Variants in PRDX3 observed in about 807,000 individuals in gnomAD.
PRDX3 encodes peroxiredoxin 3.
In PRDX3, 20 loss-of-function variants were observed where a neutral mutation model predicts 30.4. The observed-to-expected ratio is 0.66, with a 90% confidence interval of 0.46 to 0.96. The LOEUF is 0.96. Ranked by LOEUF, PRDX3 falls within the 40% of genes least tolerant of loss-of-function variation. The pLI is 0.00. For synonymous variants in PRDX3, 124 were observed against 117.8 expected (o/e 1.05, Z -0.34); for missense variants, 322 against 318.3 (o/e 1.01, Z -0.09).
chr10:119,173,190 G>C (rs1455631350), intron 4 of PRDX3, among the ~76,000 whole-genome samples: 1 of 151,998 alleles, frequency 6.6e-6, no homozygotes, highest in Non-Finnish European at 1.5e-5. Context: ...CACCTGTCTC[G>C]GCCTCTCAAA....
intron 1 of PRDX3, among the ~76,000 whole-genome samples, chr10:119,178,161 C>T (rs1432446634): frequency 1.3e-5 from 2 of 152,104 alleles, no homozygotes; most frequent in Non-Finnish European, 2.9e-5. Flanking sequence ...CCGCACTCTG[C>T]CGGTTTGCTC....
In PRDX3 at chr10:119,173,876, GA is replaced by G. The variant is rs3834425; in HGVS notation, c.312-5del. 6 of 1,592,004 alleles carry G rather than the reference GA, an allele frequency of 3.8e-6. No individual in the cohort carries two copies. Among genetic ancestry groups the G allele is most frequent in the Middle Eastern group, 1.7e-4 (1 of 5,984 alleles). Reference sequence around the variant, plus strand: ...TTCTGTAGGACACACAAAGGTGCTGGAAAAAAAGGATAGAAATTCTCATTAG... The same window carrying G: ...TTCTGTAGGACACACAAAGGTGCTGGAAAAAAGGATAGAAATTCTCATTAG... On this transcript the variant is annotated splice_region_variant and splice_polypyrimidine_tract_variant and intron_variant, in intron 3 of 6. Coordinates refer to ENST00000298510, the MANE Select transcript of PRDX3 (RefSeq NM_006793.5).
At chr10:119,177,456 G>A (rs751620824) in intron 1 of PRDX3, among the ~76,000 whole-genome samples, 21 of 151,980 alleles carry the variant, frequency 1.4e-4, no homozygotes, top group Admixed American at 3.9e-4. Flanking sequence ...TCAGGAGTTC[G>A]AGACCAGCCT....
chr10:119,173,961 A>C (rs1847970594), intron 3 of PRDX3, 89 bp from the exon 4 acceptor site: 2 of 1,355,052 alleles, frequency 1.5e-6, no homozygotes, highest in South Asian at 1.4e-5. Flanking sequence ...CAACTTGCTA[A>C]GGGTAAAAAA....
rs1847821384 is a variant in PRDX3 at position 119,168,537 on chromosome 10, A to G, written c.718-4T>C. On this transcript the variant is annotated splice_polypyrimidine_tract_variant and splice_region_variant and intron_variant, in intron 6 of 6. Transcript: ENST00000298510. ...AAGCAGCTGGACTTGGCTTGATCTG[A>G]AAATACAAAAGCTTAATTAGGTAAC... The G allele has an allele frequency of 6.2e-7, 1 of 1,613,550 alleles. No individual in the cohort carries two copies. The highest frequency in any genetic ancestry group is 8.5e-7 in the Non-Finnish European group (1 of 1,179,946).
Position 119,177,156 on chromosome 10 carries a change from G to T in PRDX3, c.37-3C>A, listed in dbSNP as rs750395077. On this transcript the variant is annotated splice_polypyrimidine_tract_variant and splice_region_variant and intron_variant, in intron 1 of 6. Transcript: ENST00000298510. ...ATGGCACTCACATGTCGGGCAACCT[G>T]GAAAGAGAAACTTTTTATTAGAAAG... 1.2e-6 allele frequency: 2 copies of T among 1,612,632 alleles called. No homozygotes were observed. Among genetic ancestry groups the T allele is most frequent in the Non-Finnish European group, 1.7e-6 (2 of 1,179,782 alleles).
At chr10:119,173,910 A>C (rs759008337) in intron 3 of PRDX3, 38 bp from the exon 4 acceptor site, 139 of 1,578,580 alleles carry the variant, frequency 8.8e-5, no homozygotes, top group Non-Finnish European at 1.2e-4. Flanking sequence ...TAGAGCATTT[A>C]AAAACAAGGA....
At chr10:119,173,334 G>A (rs1344158448) in intron 4 of PRDX3, among the ~76,000 whole-genome samples, 1 of 152,214 alleles carries the variant, frequency 6.6e-6, no homozygotes, top group Non-Finnish European at 1.5e-5. Flanking sequence ...AGTAGGCCAG[G>A]TGTGGTGGCT....
Position 119,177,121 on chromosome 10 carries a change from G to GC in PRDX3, c.68dup (p.Ile24HisfsTer50), listed in dbSNP as rs773309337. On this transcript the variant is annotated frameshift_variant, in exon 2 of 7. Coordinates refer to ENST00000298510, the MANE Select transcript of PRDX3 (RefSeq NM_006793.5). LOFTEE classifies it high-confidence loss of function. ...GCCTGAGGGCTGCAGTGGCAGAAATGCCCCAAGGAATGGCACTCACATGTC... is the reference window on the plus strand; with the variant it reads ...GCCTGAGGGCTGCAGTGGCAGAAATGCCCCCAAGGAATGGCACTCACATGTC... The GC allele has an allele frequency of 9.9e-6, 16 of 1,613,430 alleles. No homozygotes were observed. Among genetic ancestry groups the GC allele is most frequent in the East Asian group, 2.2e-5 (1 of 44,906 alleles).
intron 4 of PRDX3, 65 bp downstream of exon 4, chr10:119,173,672 A>T: frequency 6.5e-7 from 1 of 1,541,526 alleles, no homozygotes; most frequent in Non-Finnish European, 8.8e-7. Flanking sequence ...CCAGCAGCAT[A>T]GCTAGAAATT....
intron 5 of PRDX3, chr10:119,170,388 A>T (rs1003299176): frequency 6.6e-6 from 1 of 152,126 alleles, no homozygotes; most frequent in African/African-American, 2.4e-5. Context: ...CAGGGCCCAT[A>T]GACTCCCAAA....
chr10:119,172,617 C>T (rs1847932115), intron 4 of PRDX3, 132 bp from the exon 5 acceptor site: 1 of 748,644 alleles, frequency 1.3e-6, no homozygotes, highest in African/African-American at 1.7e-5. Context: ...GCACTGCTTA[C>T]TCTATTAACC....
In PRDX3 at chr10:119,171,348, T is replaced by TGGGG. The variant is rs1847904408; in HGVS notation, c.551+1033_551+1034insCCCC. Among the ~76,000 whole-genome samples, 12 of 152,274 alleles carry TGGGG rather than the reference T, an allele frequency of 7.9e-5. No individual in the cohort carries two copies. The South Asian group carries it at 2.5e-3, about 32-fold the overall frequency. ...AGCCACCGCGCCCGGCCAGGTGAGC[T>TGGGG]GGCTTTAAGCTGACCAGCCCCCAGC... On this transcript the variant is annotated intron_variant, in intron 5 of 6. Transcript: ENST00000298510.
chr10:119,169,444 T>G (rs1847854284), intron 5 of PRDX3, 102 bp from the exon 6 acceptor site: 5 of 1,013,498 alleles, frequency 4.9e-6, no homozygotes, highest in Non-Finnish European at 7.0e-6. Context: ...AATAAAATAT[T>G]TATTAAGCGT....
intron 5 of PRDX3, 31 bp from the exon 6 acceptor site, chr10:119,169,373 C>T: frequency 1.3e-6 from 2 of 1,591,954 alleles, no homozygotes; most frequent in Non-Finnish European, 1.7e-6. Context: ...ATCAGTGCCT[C>T]AACAGTACCA....
At position 119,177,060 on chromosome 10, in the gene PRDX3, A is replaced by G. The variant is rs1848046538; in HGVS notation, c.130T>C (p.Leu44=). 6.2e-7 allele frequency: 1 copy of G among 1,614,130 alleles called. No individual in the cohort carries two copies. Among genetic ancestry groups the G allele is most frequent in the Non-Finnish European group, 8.5e-7 (1 of 1,179,962 alleles). The change falls in exon 2 of 7, where the codon TTG becomes CTG. Residue 44 remains leucine, a synonymous_variant. Coordinates refer to ENST00000298510, the MANE Select transcript of PRDX3 (RefSeq NM_006793.5). ...TTTGCTTGACTGGAACCAGAACACA[A>G]TAAATTTGTCAAGCTCGTTCTTCCA... ...ACGRTSLTNL[L]CSGSSQAKLF... is the part of the protein sequence containing the mutation.
intron 4 of PRDX3, among the ~76,000 whole-genome samples, chr10:119,173,034 G>A (rs1847944979): frequency 6.6e-6 from 1 of 152,152 alleles, no homozygotes; most frequent in South Asian, 2.1e-4. Flanking sequence ...CGCCTCCTGG[G>A]TTCAAGCGAT....
intron 5 of PRDX3, among the ~76,000 whole-genome samples, chr10:119,171,275 C>T (rs1268266715): frequency 6.6e-6 from 1 of 152,084 alleles, no homozygotes; most frequent in Non-Finnish European, 1.5e-5. Flanking sequence ...CTCTTGACCT[C>T]GTGATCCACC....
chr10:119,168,410 A>G lies in PRDX3; in HGVS notation c.*70T>C, dbSNP rs1847817143. On this transcript the variant is annotated 3_prime_UTR_variant, in exon 7 of 7. Transcript: ENST00000298510. ...TTGCCTTCTACAAATAACCATCTTG[A>G]AAATGATAAAAGCAGGTTTCAACTG... 6.2e-7 allele frequency: 1 copy of G among 1,604,286 alleles called. No individual in the cohort carries two copies. The highest frequency in any genetic ancestry group is 1.1e-5 in the South Asian group (1 of 89,516).
Sources: allele counts gnomAD v4.1 joint callset (sites outside exome capture counted in the v4.1 genomes callset), GRCh38; gene constraint gnomAD v4.1.1; transcripts MANE v1.5; gene names NCBI Gene and HGNC (gene_info 2026-07-23, HGNC 2026-07-21).